Variants in FHAD1 observed in about 807,000 individuals in gnomAD.
FHAD1 encodes forkhead associated phosphopeptide binding domain 1, also known as forkhead-associated domain-containing protein 1.
FHAD1 carries 146 observed loss-of-function variants against 191.3 expected under a neutral mutation model. The observed-to-expected ratio is 0.76, with a 90% CI of 0.67 to 0.88. FHAD1 has a LOEUF of 0.88. FHAD1 is among the 40% of genes least tolerant of loss of function. The pLI, the probability that FHAD1 is intolerant of heterozygous loss-of-function variation, is 0.00. For synonymous variants in FHAD1, 616 were observed against 672.3 expected (o/e 0.92, Z 1.29); for missense variants, 1,635 against 1,785.8 (o/e 0.92, Z 1.52).
chr1:15,391,037 A>C (rs1703903507), intron 32 of FHAD1, 173 bp from the exon 33 acceptor site: 1 of 269,920 alleles, frequency 3.7e-6, no homozygotes, highest in Non-Finnish European at 7.3e-6. Context: ...TCTCGTTGAG[A>C]AAATGGATTT....
At chr1:15,393,996 T>A (rs1705099121) in intron 33 of FHAD1, among the ~76,000 whole-genome samples, 1 of 152,122 alleles carries the variant, frequency 6.6e-6, no homozygotes, top group Non-Finnish European at 1.5e-5. Flanking sequence ...TGCAGTTTCC[T>A]GAAGCAGACA....
chr1:15,383,007 C>A (rs535826241), intron 31 of FHAD1: 232 of 448,112 alleles, frequency 5.2e-4, no homozygotes, highest in Non-Finnish European at 7.3e-4. Context: ...TCCCACCACA[C>A]ACACACACGC....
intron 4 of FHAD1, 189 bp from the exon 5 acceptor site, chr1:15,296,495 C>G: frequency 5.1e-6 from 3 of 589,094 alleles, no homozygotes; most frequent in South Asian, 4.8e-5. Flanking sequence ...CTGCATGATC[C>G]GCCTGCCTTG....
chr1:15,327,124 G>A lies in FHAD1; in HGVS notation c.1539G>A (p.Lys513=). The change falls in exon 12 of 34, where the codon AAG becomes AAA. Residue 513 remains lysine, a synonymous_variant. Coordinates refer to ENST00000688493, the MANE Select transcript of FHAD1 (RefSeq NM_001391957.1). The surrounding 1 kb of genome is among the most constrained non-coding windows in gnomAD (Gnocchi z 5.1). The part of the protein sequence containing the change: ...TYGRAKPFRD[K]PVTDQQLIEK... ...GACGGGCGAAGCCGTTCCGGGACAA[G>A]CCCGTCACCGACCAACAGGTTAGTC... 1 of 1,551,380 alleles carries A rather than the reference G, an allele frequency of 6.4e-7. No individual in the cohort carries two copies. The highest frequency in any genetic ancestry group is 8.7e-7 in the Non-Finnish European group (1 of 1,146,838).
Position 15,330,779 on chromosome 1 carries a change from G to A in FHAD1, c.1906+1238G>A, listed in dbSNP as rs115538647. Among the ~76,000 whole-genome samples, 1,020 of 152,264 alleles carry A rather than the reference G, an allele frequency of 6.7e-3. 14 individuals carry two copies. Among genetic ancestry groups the A allele is most frequent in the African/African-American group, 0.023 (969 of 41,532 alleles). On this transcript the variant is annotated intron_variant, in intron 14 of 33. Coordinates refer to ENST00000688493, the MANE Select transcript of FHAD1 (RefSeq NM_001391957.1). ...CCCAGGGCCATGCATGTGGGGTCTC[G>A]CAGGGCCCTGATAAGAAGCTTTATT...
intron 18 of FHAD1, among the ~76,000 whole-genome samples, chr1:15,346,238 A>T (rs1383364593): frequency 6.6e-6 from 1 of 152,204 alleles, no homozygotes; most frequent in Non-Finnish European, 1.5e-5. Context: ...ACAGACTGGT[A>T]GCTCAGCGAC....
At chr1:15,366,425 T>G (rs1019782604) in intron 24 of FHAD1, among the ~76,000 whole-genome samples, 16 of 151,728 alleles carry the variant, frequency 1.1e-4, no homozygotes, top group Non-Finnish European at 1.9e-4. Context: ...CCGCACTGAG[T>G]CTCTGACTCA....
intron 14 of FHAD1, among the ~76,000 whole-genome samples, chr1:15,333,498 G>A (rs187529856): frequency 2.0e-5 from 3 of 152,236 alleles, no homozygotes; most frequent in Non-Finnish European, 2.9e-5. Context: ...GTAATTCTAT[G>A]AGTTAATAAT....
chr1:15,389,678 T>TA (rs111263663), intron 32 of FHAD1, among the ~76,000 whole-genome samples: 75 of 152,168 alleles, frequency 4.9e-4, no homozygotes, highest in African/African-American at 1.7e-3. Flanking sequence ...AGTGGAGACT[T>TA]ACGAGCACCT....
Position 15,361,079 on chromosome 1 carries a change from A to G in FHAD1, c.2962+376A>G, listed in dbSNP as rs532493481. 2.0e-5 allele frequency among the ~76,000 whole-genome samples: 3 copies of G among 152,268 alleles called. 1 individual carries two copies. The highest frequency in any genetic ancestry group is 2.0e-4 in the Admixed American group (3 of 15,286). On this transcript the variant is annotated intron_variant, in intron 22 of 33. Transcript: ENST00000688493. The stretch of plus-strand genomic sequence containing the variant: ...CCATCGGCCTTTTGCATCTTCACTA[A>G]TGCACTCATTACCAGCCAGGATTTA...
rs10127456 is a variant in FHAD1 at position 15,327,376 on chromosome 1, G to A, written c.1557+234G>A. ...CTGTGAAAATCAAATTAAACCATTC[G>A]GGCTTACTTCTGGTCTCCAGACATG... On this transcript the variant is annotated intron_variant, in intron 12 of 33. Coordinates refer to ENST00000688493, the MANE Select transcript of FHAD1 (RefSeq NM_001391957.1). This position sits in a 1 kb window ranked among gnomAD's most constrained non-coding sequence, Gnocchi z 5.1. 127,102 of 471,262 alleles carry A rather than the reference G, an allele frequency of 0.27. 18,719 individuals carry two copies. Among genetic ancestry groups the A allele is most frequent in the South Asian group, 0.33 (10,710 of 32,366 alleles). 29.2% of individuals were successfully genotyped at this position (471,262 alleles called of 1,614,324 possible). A position where few individuals can be genotyped will look rare whatever the true frequency, so the allele number is the denominator to read the frequency against.
intron 1 of FHAD1, among the ~76,000 whole-genome samples, chr1:15,248,711 G>A (rs566880932): frequency 2.0e-5 from 3 of 151,990 alleles, no homozygotes; most frequent in East Asian, 1.9e-4. Flanking sequence ...TCAGACTTCC[G>A]ATTAGCTGGG....
intron 11 of FHAD1, chr1:15,326,043 TG>T (rs904121588): frequency 6.6e-6 from 1 of 152,364 alleles, no homozygotes; most frequent in Non-Finnish European, 1.5e-5. Context: ...ACCCTCCACT[TG>T]GCCATGAAAC....
chr1:15,390,882 C>A (rs926539235), intron 32 of FHAD1, among the ~76,000 whole-genome samples: 1 of 152,152 alleles, frequency 6.6e-6, no homozygotes, highest in Admixed American at 6.5e-5. Context: ...CTGCCTCGAG[C>A]TAAAACAGAC....
rs567392714 is a variant in FHAD1, at chr1:15,360,813, G to A, written c.2962+110G>A. 31 of 882,458 alleles carry A rather than the reference G, an allele frequency of 3.5e-5. No homozygotes were observed. In the African/African-American group the frequency reaches 4.2e-4, roughly 12 times the overall value. 54.7% of individuals were successfully genotyped at this position (882,458 alleles called of 1,614,324 possible). On this transcript the variant is annotated intron_variant, in intron 22 of 33. Transcript: ENST00000688493. ...GAAAAAGGCCGTGCCTCATTCGAAA[G>A]CTCATTCATTCTCTGAGGCCCCCTT...
intron 16 of FHAD1, among the ~76,000 whole-genome samples, chr1:15,344,804 C>T (rs1183536695): frequency 1.3e-5 from 2 of 152,214 alleles, no homozygotes; most frequent in Non-Finnish European, 2.9e-5. Flanking sequence ...ATCAACCCAA[C>T]ACAGGAAGAC....
rs376168825 is a variant in FHAD1, at chr1:15,352,865, A to G, written c.2455-12A>G. On this transcript the variant is annotated splice_polypyrimidine_tract_variant and intron_variant, in intron 19 of 33. Transcript: ENST00000688493. ...GGGCACAGGCCCTCAAACCACTTTC[A>G]TTGACTTCCAGATCTCAGAGAGCAA... 2.8e-5 allele frequency: 44 copies of G among 1,548,464 alleles called. No homozygotes were observed. In the African/African-American group the frequency reaches 6.0e-4, roughly 21 times the overall value.
intron 22 of FHAD1, among the ~76,000 whole-genome samples, chr1:15,361,251 GCCTCAGC>G (rs1694712583): frequency 6.6e-6 from 1 of 152,218 alleles, no homozygotes; most frequent in Non-Finnish European, 1.5e-5. Flanking sequence ...GGGTATCCCA[GCCTCAGC>G]CCTGTTGACA....
intron 22 of FHAD1, among the ~76,000 whole-genome samples, chr1:15,361,799 G>C (rs1290632547): frequency 2.0e-5 from 3 of 151,938 alleles, no homozygotes; most frequent in Non-Finnish European, 4.4e-5. Context: ...TAGGCCAAGA[G>C]ATCGAGACCA....
Sources: gnomAD v4.1 joint callset for allele counts (sites outside exome capture counted in the v4.1 genomes callset) on GRCh38, gnomAD v4.1.1 for gene constraint, Gnocchi (gnomAD v3.1) non-coding constraint, MANE v1.5 for transcripts, NCBI Gene and HGNC (gene_info 2026-07-23, HGNC 2026-07-21) for gene names.